MBNL1: variants seen among roughly 807,000 people sequenced by gnomAD.
MBNL1 encodes the protein muscleblind like splicing regulator 1.
In MBNL1, 8 loss-of-function variants were observed where a neutral mutation model predicts 42.2. The ratio of observed to expected loss-of-function variants is 0.19; its 90% CI spans 0.11 to 0.34. MBNL1 has a LOEUF of 0.34. Ranked by LOEUF, MBNL1 falls within the 10% of genes least tolerant of loss-of-function variation. The pLI, the probability that MBNL1 is intolerant of heterozygous loss-of-function variation, is 1.00. For synonymous variants in MBNL1, 169 were observed against 173.9 expected (o/e 0.97, Z 0.22); for missense variants, 309 against 495.3 (o/e 0.62, Z 3.57).
In MBNL1 at chr3:152,447,760, A is replaced by G. The variant is rs1340984564; in HGVS notation, c.948A>G (p.Ala316=). The G allele has an allele frequency of 1.2e-6, 2 of 1,613,224 alleles. No homozygotes were observed. The highest frequency in any genetic ancestry group is 2.2e-5 in the East Asian group (1 of 44,842). Residue 316 remains alanine (A), a synonymous_variant, in exon 6 of 10, where the codon GCA becomes GCG. Transcript: ENST00000324210. ...ACATGCAGTTACAACAGCATACAGC[A>G]TTTCTCCCACCAGGTAAGGGGTGGG... ...LANMQLQQHT[A]FLPPGSILCM...
intron 2 of MBNL1, among the ~76,000 whole-genome samples, chr3:152,332,739 T>TGCGCGCGC (rs1229920740): frequency 9.1e-4 from 105 of 115,696 alleles, no homozygotes; most frequent in East Asian, 2.9e-3. Flanking sequence ...TGTGTGTGTG[T>TGCGCGCGC]GCGCGCGCGC....
At chr3:152,314,616 C>G (rs917785712) in intron 2 of MBNL1, among the ~76,000 whole-genome samples, 1 of 152,170 alleles carries the variant, frequency 6.6e-6, no homozygotes, top group African/African-American at 2.4e-5. Flanking sequence ...CTCAGGCGAT[C>G]CGCCTGTCTC....
At chr3:152,424,005 T>A (rs2098848613) in intron 3 of MBNL1, among the ~76,000 whole-genome samples, 1 of 152,042 alleles carries the variant, frequency 6.6e-6, no homozygotes, top group South Asian at 2.1e-4. Context: ...AGTATTCCCT[T>A]TGAAAACTGG....
rs920335798 is a variant in MBNL1, at chr3:152,338,625, C to A, written c.174+38258C>A. 4 of 985,160 alleles carry A rather than the reference C, an allele frequency of 4.1e-6. No individual in the cohort carries two copies. The African/African-American group carries it at 7.0e-5, about 17-fold the overall frequency. The allele number at this position is 985,160 out of a possible 1,614,324, so 61.0% of individuals were successfully genotyped here. A position where few individuals can be genotyped will look rare whatever the true frequency, so the allele number is the denominator to read the frequency against. On this transcript the variant is annotated intron_variant, in intron 2 of 9. Coordinates refer to ENST00000324210, the MANE Select transcript of MBNL1 (RefSeq NM_021038.5). ...AAGAGAATGGCTGTTTGACATAGACCTCAGGAGTTTTCAAAGCACCAAGAA... is the reference window on the plus strand; with the variant it reads ...AAGAGAATGGCTGTTTGACATAGACATCAGGAGTTTTCAAAGCACCAAGAA...
chr3:152,348,713 G>A (rs1195635724), intron 2 of MBNL1, among the ~76,000 whole-genome samples: 1 of 151,940 alleles, frequency 6.6e-6, no homozygotes, highest in South Asian at 2.1e-4. Context: ...AAATTATAGC[G>A]GTTTAGAAGA....
chr3:152,243,976 T>A (rs1452175148), exon 1 of MBNL1: 1 of 152,176 alleles, frequency 6.6e-6, no homozygotes, highest in South Asian at 2.1e-4. Context: ...GGCTAACTTT[T>A]GTATTTTTAG....
At chr3:152,337,913 GTCTT>G (rs966604830) in intron 2 of MBNL1, 2 of 170,770 alleles carry the variant, frequency 1.2e-5, no homozygotes, top group Admixed American at 1.3e-4. Context: ...CCTTCTCTCT[GTCTT>G]TCCGTTTTCT....
intron 3 of MBNL1, among the ~76,000 whole-genome samples, chr3:152,426,116 C>T (rs948558089): frequency 1.3e-5 from 2 of 150,954 alleles, no homozygotes; most frequent in Non-Finnish European, 1.5e-5. Context: ...CCAAACATCT[C>T]ATGTTCTCAC....
chr3:152,282,968 CTG>C (rs2049366318), intron 1 of MBNL1, among the ~76,000 whole-genome samples: 2 of 152,200 alleles, frequency 1.3e-5, no homozygotes, highest in Non-Finnish European at 2.9e-5. Flanking sequence ...ATGCAGAATG[CTG>C]TGACAGCCAG....
intron 2 of MBNL1, among the ~76,000 whole-genome samples, chr3:152,310,844 A>G (rs557241005): frequency 6.6e-6 from 1 of 152,204 alleles, no homozygotes; most frequent in South Asian, 2.1e-4. Context: ...GGAACCCATG[A>G]GAATTTCAGG....
At chr3:152,326,809 A>C (rs991555793) in intron 2 of MBNL1, among the ~76,000 whole-genome samples, 1 of 150,756 alleles carries the variant, frequency 6.6e-6, no homozygotes, top group African/African-American at 2.4e-5. Flanking sequence ...TTATTTATTT[A>C]TTTATTTATT....
At chr3:152,312,233 G>C (rs1203467607) in intron 2 of MBNL1, among the ~76,000 whole-genome samples, 1 of 148,380 alleles carries the variant, frequency 6.7e-6, no homozygotes, top group Non-Finnish European at 1.5e-5. Flanking sequence ...TCAAATATTA[G>C]AATTGATCAT....
At chr3:152,378,150 AAC>A (rs377487528) in intron 2 of MBNL1, among the ~76,000 whole-genome samples, 33 of 152,224 alleles carry the variant, frequency 2.2e-4, no homozygotes, top group African/African-American at 7.5e-4. Context: ...CAGCCTGGGC[AAC>A]ATAGCAAGAC....
At chr3:152,268,898 G>A, upstream of MBNL1, 1 of 454,938 alleles carries the variant, frequency 2.2e-6, no homozygotes, top group East Asian at 7.0e-5. Flanking sequence ...GCCAGACCTC[G>A]GCGATAAGAG....
intron 2 of MBNL1, among the ~76,000 whole-genome samples, chr3:152,409,492 C>T (rs2098516768): frequency 1.3e-5 from 2 of 151,060 alleles, no homozygotes; most frequent in African/African-American, 2.4e-5. Context: ...TAAGAATTTT[C>T]AATAGCTAAC....
At chr3:152,401,780 C>G (rs1195763965) in intron 2 of MBNL1, among the ~76,000 whole-genome samples, 1 of 152,052 alleles carries the variant, frequency 6.6e-6, no homozygotes, top group Admixed American at 6.6e-5. Context: ...AATCCCAGCA[C>G]TTTGGGAGGC....
At chr3:152,396,669 A>G (rs2097957103) in intron 2 of MBNL1, among the ~76,000 whole-genome samples, 1 of 152,132 alleles carries the variant, frequency 6.6e-6, no homozygotes, top group Non-Finnish European at 1.5e-5. Context: ...TATATCCTAT[A>G]TTAAGCTTTA....
chr3:152,300,998 C>T (rs138959842), intron 2 of MBNL1: 18 of 681,432 alleles, frequency 2.6e-5, no homozygotes, highest in Non-Finnish European at 2.9e-5. Context: ...TAAGTAGAAA[C>T]TCATAAGTAC....
intron 2 of MBNL1, among the ~76,000 whole-genome samples, chr3:152,331,709 T>C (rs918497014): frequency 6.6e-6 from 1 of 152,112 alleles, no homozygotes; most frequent in Admixed American, 6.5e-5. Flanking sequence ...GATTGATTGA[T>C]TGATTGAGAT....
Sources: gnomAD v4.1 joint callset for allele counts (sites outside exome capture counted in the v4.1 genomes callset) on GRCh38, gnomAD v4.1.1 for gene constraint, MANE v1.5 for transcripts, NCBI Gene and HGNC (gene_info 2026-07-23, HGNC 2026-07-21) for gene names.